Variants in SLC25A21 observed in about 807,000 individuals in gnomAD.
The protein encoded by SLC25A21 is mitochondrial 2-oxodicarboxylate carrier.
In SLC25A21, 47 loss-of-function variants were observed where a neutral mutation model predicts 43.8. The observed-to-expected ratio is 1.07, with a 90% CI of 0.85 to 1.37. The LOEUF (loss-of-function observed/expected upper bound fraction) is 1.37. SLC25A21 is among the 40% of genes most tolerant of loss of function. The pLI, the probability that SLC25A21 is intolerant of heterozygous loss-of-function variation, is 0.00. For missense variants in SLC25A21, 352 were observed against 350.2 expected (o/e 1.00, Z -0.04); for synonymous variants, 131 against 121.3 (o/e 1.08, Z -0.52).
At chr14:37,017,523 G>A (rs1335572898) in intron 1 of SLC25A21, among the ~76,000 whole-genome samples, 3 of 152,068 alleles carry the variant, frequency 2.0e-5, no homozygotes, top group East Asian at 3.9e-4. Flanking sequence ...GAAATAGTGT[G>A]GGAATTGTCA....
At chr14:36,918,148 C>T (rs1213776650) in intron 1 of SLC25A21, among the ~76,000 whole-genome samples, 1 of 152,120 alleles carries the variant, frequency 6.6e-6, no homozygotes, top group Non-Finnish European at 1.5e-5. Context: ...AGTTCCTACC[C>T]TCAGGCAGGC....
intron 3 of SLC25A21, among the ~76,000 whole-genome samples, chr14:36,790,871 G>C (rs1316395139): frequency 6.6e-6 from 1 of 152,120 alleles, no homozygotes; most frequent in Non-Finnish European, 1.5e-5. Flanking sequence ...AAAGGGGAGT[G>C]TGCAGTCAAA....
At chr14:37,059,639 T>G (rs1961902249) in intron 1 of SLC25A21, among the ~76,000 whole-genome samples, 1 of 152,196 alleles carries the variant, frequency 6.6e-6, no homozygotes, top group Admixed American at 6.5e-5. Context: ...AACAGACTTT[T>G]GAGTGTTTAC....
At chr14:36,867,627 C>T (rs150178873) in intron 2 of SLC25A21, among the ~76,000 whole-genome samples, 2 of 152,242 alleles carry the variant, frequency 1.3e-5, no homozygotes, top group South Asian at 2.1e-4. Flanking sequence ...TTACATAACA[C>T]GTAAGTCTTG....
At chr14:36,863,669 T>C (rs1033564701) in intron 2 of SLC25A21, among the ~76,000 whole-genome samples, 6 of 152,184 alleles carry the variant, frequency 3.9e-5, no homozygotes, top group Non-Finnish European at 7.3e-5. Context: ...GATTAAAAAA[T>C]AATTTTAGTC....
chr14:36,954,311 C>T (rs541305304), intron 1 of SLC25A21, among the ~76,000 whole-genome samples: 1 of 152,128 alleles, frequency 6.6e-6, no homozygotes, highest in East Asian at 1.9e-4. Context: ...TCTTTATCCT[C>T]CCCCCATCCT....
At chr14:37,154,045 G>A (rs1273079478) in intron 1 of SLC25A21, among the ~76,000 whole-genome samples, 1 of 152,058 alleles carries the variant, frequency 6.6e-6, no homozygotes, top group Non-Finnish European at 1.5e-5. Flanking sequence ...ATCAACATCT[G>A]AGCAAGCCAC....
chr14:37,071,284 A>G (rs1419534245), intron 1 of SLC25A21, among the ~76,000 whole-genome samples: 1 of 152,254 alleles, frequency 6.6e-6, no homozygotes, highest in Admixed American at 6.5e-5. Context: ...CATCAGTGTT[A>G]CTGCCAGACA....
chr14:37,028,007 T>A (rs1260789095), intron 1 of SLC25A21, among the ~76,000 whole-genome samples: 1 of 152,204 alleles, frequency 6.6e-6, no homozygotes, highest in Admixed American at 6.5e-5. Context: ...ATAGTAATAA[T>A]CTTTAGTATC....
chr14:36,834,179 C>T (rs766037085), intron 2 of SLC25A21, among the ~76,000 whole-genome samples: 5 of 152,148 alleles, frequency 3.3e-5, no homozygotes, highest in East Asian at 3.9e-4. Context: ...AAATAAAACA[C>T]GATTAGCAAG....
intron 1 of SLC25A21, among the ~76,000 whole-genome samples, chr14:37,006,034 TA>T (rs1478403605): frequency 6.6e-6 from 1 of 152,186 alleles, no homozygotes; most frequent in Admixed American, 6.5e-5. Context: ...AAGATGGTAT[TA>T]CAAATTTTAA....
intron 1 of SLC25A21, among the ~76,000 whole-genome samples, chr14:37,081,756 T>C (rs1196537128): frequency 1.3e-5 from 2 of 152,202 alleles, no homozygotes; most frequent in Non-Finnish European, 2.9e-5. Context: ...ATAGGAATTA[T>C]ACAGTAAGAT....
At chr14:36,749,160 TC>T (rs1275698243) in intron 3 of SLC25A21, among the ~76,000 whole-genome samples, 7 of 152,222 alleles carry the variant, frequency 4.6e-5, no homozygotes. Context: ...CCTTTTTCTG[TC>T]CATAAATCCT....
At chr14:36,822,003 G>T (rs1888654117) in intron 2 of SLC25A21, among the ~76,000 whole-genome samples, 2 of 152,150 alleles carry the variant, frequency 1.3e-5, no homozygotes, top group Admixed American at 1.3e-4. Context: ...AACTGTACAA[G>T]GAACAAGGTT....
At chr14:37,036,409 C>G (rs1961327607) in intron 1 of SLC25A21, among the ~76,000 whole-genome samples, 1 of 136,992 alleles carries the variant, frequency 7.3e-6, no homozygotes, top group Non-Finnish European at 1.7e-5. Flanking sequence ...CCTTTTAACA[C>G]ACACAGTAAA....
At chr14:36,685,049 CG>C (rs1882476013) in intron 7 of SLC25A21, 124 bp from the exon 8 acceptor site, 1 of 655,404 alleles carries the variant, frequency 1.5e-6, no homozygotes, top group Non-Finnish European at 2.4e-6. Context: ...GTTATTCCAG[CG>C]GAACACATTA....
intron 1 of SLC25A21, among the ~76,000 whole-genome samples, chr14:37,081,218 T>G (rs550786438): frequency 6.6e-6 from 1 of 152,238 alleles, no homozygotes; most frequent in Non-Finnish European, 1.5e-5. Flanking sequence ...CAATGTTACC[T>G]AAGTTAGAAC....
At chr14:36,960,388 G>A (rs1959459359) in intron 1 of SLC25A21, among the ~76,000 whole-genome samples, 1 of 151,940 alleles carries the variant, frequency 6.6e-6, no homozygotes, top group African/African-American at 2.4e-5. Flanking sequence ...CTAAATTTGG[G>A]GTTAGTGGTG....
intron 1 of SLC25A21, among the ~76,000 whole-genome samples, chr14:36,949,265 A>C (rs1685932729): frequency 6.6e-6 from 1 of 152,206 alleles, no homozygotes; most frequent in Non-Finnish European, 1.5e-5. Context: ...ATCTTGACTT[A>C]TAGTCATCTA....
Sources: allele counts gnomAD v4.1 joint callset (sites outside exome capture counted in the v4.1 genomes callset), GRCh38; gene constraint gnomAD v4.1.1; transcripts MANE v1.5; gene names NCBI Gene and HGNC (gene_info 2026-07-23, HGNC 2026-07-21).